The following PIP4P2 variants were observed in gnomAD, a reference collection of about 807,000 sequenced individuals.
The protein encoded by PIP4P2 is type 2 phosphatidylinositol 4,5-bisphosphate 4-phosphatase.
In PIP4P2, 19 loss-of-function variants were observed where a neutral mutation model predicts 33.3. The ratio of observed to expected loss-of-function variants is 0.57; its 90% CI spans 0.40 to 0.84. The LOEUF is 0.84. Ranked by LOEUF, PIP4P2 falls within the 40% of genes least tolerant of loss-of-function variation. PIP4P2 has a pLI of 0.00. For missense variants in PIP4P2, 270 were observed against 324.7 expected (o/e 0.83, Z 1.29); for synonymous variants, 110 against 111.9 (o/e 0.98, Z 0.11).
intron 5 of PIP4P2, among the ~76,000 whole-genome samples, chr8:91,001,172 A>T (rs1235920407): frequency 6.6e-6 from 1 of 152,116 alleles, no homozygotes; most frequent in East Asian, 1.9e-4. Context: ...TTTCCCCCAT[A>T]GTAAATCTTG....
chr8:91,038,116 G>A (rs976200847), intron 1 of PIP4P2, among the ~76,000 whole-genome samples: 2 of 152,140 alleles, frequency 1.3e-5, no homozygotes, highest in Non-Finnish European at 2.9e-5. Context: ...GACCACACAT[G>A]ATTTTTCTTG....
chr8:91,003,174 T>TA (rs1811722278), intron 5 of PIP4P2, among the ~76,000 whole-genome samples: 3 of 152,166 alleles, frequency 2.0e-5, no homozygotes, highest in Non-Finnish European at 4.4e-5. Flanking sequence ...GGCTAAGAAA[T>TA]TGGGAGCCAC....
At chr8:91,024,932 G>A (rs1812062581) in intron 1 of PIP4P2, among the ~76,000 whole-genome samples, 1 of 152,020 alleles carries the variant, frequency 6.6e-6, no homozygotes, top group South Asian at 2.1e-4. Flanking sequence ...TTACAAAGGA[G>A]AAAACAAACC....
At chr8:91,025,380 T>C (rs1812069468) in intron 1 of PIP4P2, among the ~76,000 whole-genome samples, 1 of 152,166 alleles carries the variant, frequency 6.6e-6, no homozygotes, top group South Asian at 2.1e-4. Flanking sequence ...ACATTTCTCA[T>C]CACATTTACC....
intron 4 of PIP4P2, among the ~76,000 whole-genome samples, chr8:91,017,759 C>T (rs1393198064): frequency 6.6e-6 from 1 of 151,948 alleles, no homozygotes; most frequent in Non-Finnish European, 1.5e-5. Flanking sequence ...TAAAAGAAAA[C>T]CTGTCCTTAT....
chr8:90,995,943 C>T lies in PIP4P2; in HGVS notation c.631-123G>A, dbSNP rs1018428643. 31 of 1,093,962 alleles carry T rather than the reference C, an allele frequency of 2.8e-5. No individual in the cohort carries two copies. The African/African-American group carries it at 3.8e-4, about 14-fold the overall frequency. The allele number at this position is 1,093,962 out of a possible 1,614,324, so 67.8% of individuals were successfully genotyped here. On this transcript the variant is annotated intron_variant, in intron 6 of 6. Transcript: ENST00000285419. ...TACCCCCAGACCGAATACACAAAGTCCTTATAAGAGTAGGTGTATCTGTTG... is the reference window on the plus strand; with the variant it reads ...TACCCCCAGACCGAATACACAAAGTTCTTATAAGAGTAGGTGTATCTGTTG...
chr8:91,026,538 C>T (rs761601268), intron 1 of PIP4P2, among the ~76,000 whole-genome samples: 2 of 152,018 alleles, frequency 1.3e-5, no homozygotes, highest in Non-Finnish European at 2.9e-5. Flanking sequence ...CCTTTTTTCC[C>T]GTAGCCCTAG....
chr8:91,038,263 T>C (rs1056798133), intron 1 of PIP4P2, among the ~76,000 whole-genome samples: 5 of 152,208 alleles, frequency 3.3e-5, no homozygotes, highest in South Asian at 4.1e-4. Context: ...TCCTGTACTT[T>C]AGAAGGTAAA....
At chr8:91,013,706 T>C (rs946058045) in intron 4 of PIP4P2, among the ~76,000 whole-genome samples, 2 of 152,204 alleles carry the variant, frequency 1.3e-5, no homozygotes, top group East Asian at 1.9e-4. Context: ...GGCTAATTTT[T>C]AAATGTTTTT....
At chr8:90,996,291 G>T (rs191345040) in intron 6 of PIP4P2, among the ~76,000 whole-genome samples, 131 of 152,110 alleles carry the variant, frequency 8.6e-4, no homozygotes, top group Middle Eastern at 6.8e-3. Flanking sequence ...GAGAAGAGTG[G>T]TTTTTTTAGA....
chr8:91,032,420 T>A (rs1315152107), intron 1 of PIP4P2, among the ~76,000 whole-genome samples: 1 of 152,152 alleles, frequency 6.6e-6, no homozygotes, highest in Non-Finnish European at 1.5e-5. Flanking sequence ...GCAGGAAGAA[T>A]GTATTCCTTT....
intron 1 of PIP4P2, among the ~76,000 whole-genome samples, chr8:91,039,066 T>C (rs892227371): frequency 6.6e-6 from 1 of 152,214 alleles, no homozygotes. Context: ...ATCCACTAGT[T>C]GAGGGCATGA....
Position 91,018,640 on chromosome 8 carries a change from G to C in PIP4P2, c.363-127C>G. 4.2e-6 allele frequency: 6 copies of C among 1,416,982 alleles called. No homozygotes were observed. In the Admixed American group the frequency reaches 1.3e-4, roughly 30 times the overall value. The allele number at this position is 1,416,982 out of a possible 1,614,324, so 87.8% of individuals were successfully genotyped here. ...ATAAATTAAGTGAATTAAATGTCAA[G>C]CTGGAGGCAAAACTACAAAGAGTAG... On this transcript the variant is annotated intron_variant, in intron 3 of 6. Transcript: ENST00000285419.
intron 5 of PIP4P2, among the ~76,000 whole-genome samples, chr8:91,001,737 T>C (rs1170483752): frequency 6.6e-6 from 1 of 152,156 alleles, no homozygotes; most frequent in Admixed American, 6.6e-5. Context: ...TTGTTGTCAA[T>C]GTTGATTATG....
intron 5 of PIP4P2, among the ~76,000 whole-genome samples, chr8:91,000,172 C>A (rs7818979): frequency 0.1 from 15,445 of 151,994 alleles, 907 homozygotes; most frequent in African/African-American, 0.16. Context: ...TAACACCAAA[C>A]ATTCCACTAG....
intron 4 of PIP4P2, among the ~76,000 whole-genome samples, chr8:91,012,404 T>C (rs1393386189): frequency 6.6e-6 from 1 of 152,042 alleles, no homozygotes; most frequent in African/African-American, 2.4e-5. Context: ...GCAAATAACA[T>C]ATTATGAAGA....
intron 1 of PIP4P2, among the ~76,000 whole-genome samples, chr8:91,036,924 AG>A (rs1252477956): frequency 1.3e-5 from 2 of 152,154 alleles, no homozygotes; most frequent in Non-Finnish European, 2.9e-5. Context: ...CACATGTCTG[AG>A]GGCTGGTCAG....
intron 4 of PIP4P2, among the ~76,000 whole-genome samples, chr8:91,017,587 T>C (rs181758486): frequency 5.3e-5 from 8 of 152,172 alleles, no homozygotes; most frequent in Admixed American, 1.3e-4. Flanking sequence ...TTAATAAAAG[T>C]AAAATTACAA....
chr8:90,998,636 C>T (rs145466518), intron 5 of PIP4P2, among the ~76,000 whole-genome samples: 55 of 152,072 alleles, frequency 3.6e-4, no homozygotes, highest in African/African-American at 1.3e-3. Context: ...TGATCTTCAA[C>T]AAACCTGACA....
Sources: allele counts gnomAD v4.1 joint callset (sites outside exome capture counted in the v4.1 genomes callset), GRCh38; gene constraint gnomAD v4.1.1; transcripts MANE v1.5; gene names NCBI Gene and HGNC (gene_info 2026-07-23, HGNC 2026-07-21).